Variants in UTS2 observed in about 807,000 individuals in gnomAD.
UTS2 encodes urotensin 2.
A neutral mutation model predicts 12.6 loss-of-function variants in UTS2; 10 were observed. The observed-to-expected ratio is 0.80, with a 90% CI of 0.49 to 1.35. The LOEUF (loss-of-function observed/expected upper bound fraction) is 1.35. UTS2 is among the 40% of genes most tolerant of loss of function. UTS2 has a pLI of 0.00. For missense variants in UTS2, 142 were observed against 143.2 expected (o/e 0.99, Z 0.04); for synonymous variants, 52 against 50.0 (o/e 1.04, Z -0.17).
At chr1:7,887,040 CAAAAAAAA>C in the UTS2 span, among the ~76,000 whole-genome samples, 3 of 34,724 alleles carry the variant, frequency 8.6e-5, no homozygotes, top group Admixed American at 4.5e-4. Context: ...GACTCCGTCT[CAAAAAAAA>C]AAAAAAAAAA....
At chr1:7,866,576 A>G in the UTS2 span, among the ~76,000 whole-genome samples, 45 of 152,106 alleles carry the variant, frequency 3.0e-4, no homozygotes, top group African/African-American at 1.1e-3. The surrounding 1 kb of genome is among the most constrained non-coding windows in gnomAD (Gnocchi z 4.5). Flanking sequence ...CTTGAGTCAT[A>G]CAGAACTCAA....
chr1:7,848,772 G>A (rs111997612), intron 3 of UTS2, among the ~76,000 whole-genome samples: 38,246 of 151,994 alleles, frequency 0.25, 5,120 homozygotes, highest in Admixed American at 0.36. Context: ...CGCCTACCTC[G>A]GCCTCCCGTG....
Position 7,847,842 on chromosome 1 carries a change from C to T in UTS2, c.299G>A (p.Ser100Asn). The T allele has an allele frequency of 6.2e-7, 1 of 1,613,738 alleles. No homozygotes were observed. Among genetic ancestry groups the T allele is most frequent in the Non-Finnish European group, 8.5e-7 (1 of 1,179,892 alleles). The stretch of plus-strand genomic sequence containing the variant: ...TTTCCAGATTCTGGCCAAAAGATGA[C>T]TCAGTAAAATGTTAGGATCTTGTCC... ...FSGQDPNILL[S>N]HLLARIWKPY... The change falls in exon 4 of 4, where the codon AGT becomes AAT. Residue 100 changes from serine (S) to asparagine (N), a missense_variant. By Grantham distance (46) the Ser-to-Asn change is conservative (BLOSUM62 1). Transcript: ENST00000361696.
the UTS2 span, among the ~76,000 whole-genome samples, chr1:7,864,241 C>T: frequency 2.6e-5 from 4 of 152,158 alleles, no homozygotes; most frequent in South Asian, 2.1e-4. Flanking sequence ...TGAGGCGTGT[C>T]TCTTGAGGCA....
chr1:7,890,681 C>G, the UTS2 span, among the ~76,000 whole-genome samples: 1 of 142,894 alleles, frequency 7.0e-6, no homozygotes, highest in East Asian at 2.1e-4. Context: ...CACTTGAGAT[C>G]TGGAGTTGGA....
chr1:7,884,435 G>T, the UTS2 span, among the ~76,000 whole-genome samples: 1 of 151,544 alleles, frequency 6.6e-6, no homozygotes, highest in Non-Finnish European at 1.5e-5. Context: ...CTGAGTAGCT[G>T]GGAACACAGG....
the UTS2 span, among the ~76,000 whole-genome samples, chr1:7,891,536 A>AAAAGAAAGAACGAAAG: frequency 9.1e-6 from 1 of 109,820 alleles, no homozygotes; most frequent in African/African-American, 3.6e-5. Context: ...AGAAAGAAAG[A>AAAAGAAAGAACGAAAG]AAAGAAAGAA....
chr1:7,876,940 G>A, the UTS2 span, among the ~76,000 whole-genome samples: 3 of 151,740 alleles, frequency 2.0e-5, no homozygotes, highest in East Asian at 3.9e-4. Context: ...GACCATCCTG[G>A]CCAACATGGT....
the UTS2 span, among the ~76,000 whole-genome samples, chr1:7,885,908 T>TGGG: frequency 1.9e-3 from 27 of 14,006 alleles, no homozygotes; most frequent in African/African-American, 3.1e-3. Context: ...GGGGGTGGGG[T>TGGG]GGGGGGGGGC....
Position 7,847,726 on chromosome 1 carries a change from A to G in UTS2, c.*40T>C, listed in dbSNP as rs2151381193. The G allele has an allele frequency of 1.4e-6, 2 of 1,450,556 alleles. No individual in the cohort carries two copies. The highest frequency in any genetic ancestry group is 1.9e-6 in the Non-Finnish European group (2 of 1,041,848). The allele number at this position is 1,450,556 out of a possible 1,614,324, so 89.9% of individuals were successfully genotyped here. A position where few individuals can be genotyped will look rare whatever the true frequency, so the allele number is the denominator to read the frequency against. On this transcript the variant is annotated 3_prime_UTR_variant, in exon 4 of 4. Coordinates refer to ENST00000361696, the MANE Select transcript of UTS2 (RefSeq NM_006786.4). ...ATTGTGTTATTTTTCATATTCTAAG[A>G]TGGGTGTTTCTGAGCTGACTAACAG... is the stretch of plus-strand genomic sequence containing the variant.
the UTS2 span, among the ~76,000 whole-genome samples, chr1:7,871,783 C>T: frequency 1.3e-5 from 2 of 152,010 alleles, no homozygotes; most frequent in Non-Finnish European, 2.9e-5. Flanking sequence ...TTTGGGGGCA[C>T]CACAAACAGT....
the UTS2 span, among the ~76,000 whole-genome samples, chr1:7,861,562 A>G: frequency 1.3e-5 from 2 of 152,200 alleles, no homozygotes; most frequent in African/African-American, 4.8e-5. Flanking sequence ...GTTTTCTTGC[A>G]GTGGGCTTGA....
chr1:7,879,445 TAA>T, the UTS2 span, among the ~76,000 whole-genome samples: 3 of 152,042 alleles, frequency 2.0e-5, no homozygotes, highest in Non-Finnish European at 4.4e-5. Context: ...GGAAATTTAA[TAA>T]GTCTTGAAAC....
At chr1:7,849,122 C>T (rs1205098913) in intron 3 of UTS2, among the ~76,000 whole-genome samples, 1 of 152,124 alleles carries the variant, frequency 6.6e-6, no homozygotes, top group Admixed American at 6.5e-5. Flanking sequence ...TTGATTTACC[C>T]AAAACAGGCA....
chr1:7,893,955 T>C, the UTS2 span, among the ~76,000 whole-genome samples: 15 of 152,136 alleles, frequency 9.9e-5, no homozygotes, highest in African/African-American at 3.6e-4. Context: ...GTCAGAGGCA[T>C]AGCTAGAGAG....
intron 1 of UTS2, among the ~76,000 whole-genome samples, chr1:7,852,575 TA>T (rs1359149659): frequency 8.5e-5 from 13 of 152,118 alleles, no homozygotes; most frequent in Non-Finnish European, 1.3e-4. Context: ...AAGTAAAAAC[TA>T]AAAGTAATGA....
At chr1:7,863,062 T>C in the UTS2 span, among the ~76,000 whole-genome samples, 1,685 of 82,746 alleles carry the variant, frequency 0.02, 90 homozygotes, top group African/African-American at 0.067. Flanking sequence ...TGTATTGTAT[T>C]GTATTGTATT....
chr1:7,882,110 G>C, the UTS2 span, among the ~76,000 whole-genome samples: 6 of 152,202 alleles, frequency 3.9e-5, no homozygotes, highest in African/African-American at 1.4e-4. Flanking sequence ...CAAGGTGGGA[G>C]TATTGCTTGG....
the UTS2 span, among the ~76,000 whole-genome samples, chr1:7,883,433 G>C: frequency 6.6e-6 from 1 of 152,158 alleles, no homozygotes; most frequent in Non-Finnish European, 1.5e-5. Flanking sequence ...CAAACAGTTT[G>C]AGAGAAGGAA....
Sources: allele counts gnomAD v4.1 joint callset (sites outside exome capture counted in the v4.1 genomes callset), GRCh38; gene constraint gnomAD v4.1.1; non-coding constraint Gnocchi (gnomAD v3.1); transcripts MANE v1.5; gene names NCBI Gene and HGNC (gene_info 2026-07-23, HGNC 2026-07-21).